Variants in MYLK4 observed in about 807,000 individuals in gnomAD.
MYLK4 encodes the protein myosin light chain kinase family member 4, also known as caMLCK like.
A neutral mutation model predicts 48.1 loss-of-function variants in MYLK4; 46 were observed. That is an observed-to-expected ratio of 0.96 (90% CI 0.75 to 1.22). The LOEUF (loss-of-function observed/expected upper bound fraction) is 1.22, where lower values mean the gene tolerates loss of function less well. Ranked by LOEUF, MYLK4 falls within the 50% of genes most tolerant of loss-of-function variation. MYLK4 has a pLI of 0.00. For synonymous variants in MYLK4, 170 were observed against 180.8 expected, an observed-to-expected ratio of 0.94 and a Z score of 0.48; for missense variants, 451 against 486.1, an observed-to-expected ratio of 0.93 and a Z score of 0.68.
chr6:2,699,085 G>C (rs1405057703), intron 2 of MYLK4, among the ~76,000 whole-genome samples: 1 of 152,100 alleles, frequency 6.6e-6, no homozygotes, highest in Non-Finnish European at 1.5e-5. Flanking sequence ...TATGTGCACA[G>C]TGCTTCACTC....
At chr6:2,684,278 C>T (rs866601480) in intron 6 of MYLK4, among the ~76,000 whole-genome samples, 2 of 152,154 alleles carry the variant, frequency 1.3e-5, no homozygotes, top group South Asian at 2.1e-4. Flanking sequence ...GGATGATTCA[C>T]GTCCTGGGTG....
At chr6:2,695,939 C>A (rs1762045453) in intron 2 of MYLK4, among the ~76,000 whole-genome samples, 1 of 152,240 alleles carries the variant, frequency 6.6e-6, no homozygotes, top group South Asian at 2.1e-4. Context: ...CAATCCTGAC[C>A]ATCCCCAGTT....
At chr6:2,675,212 T>G in intron 10 of MYLK4, 87 bp from the exon 11 acceptor site, 1 of 948,756 alleles carries the variant, frequency 1.1e-6, no homozygotes. Context: ...GCTTCTGCCT[T>G]CGGGAGACCA....
intron 2 of MYLK4, among the ~76,000 whole-genome samples, chr6:2,720,813 A>G (rs190809980): frequency 6.6e-6 from 1 of 152,290 alleles, no homozygotes; most frequent in East Asian, 1.9e-4. Context: ...AACGTAAAGG[A>G]CTAGACTAAG....
At chr6:2,669,952 G>T (rs12200414) in intron 12 of MYLK4, among the ~76,000 whole-genome samples, 1 of 152,254 alleles carries the variant, frequency 6.6e-6, no homozygotes, top group East Asian at 1.9e-4. Flanking sequence ...TTACTATGAG[G>T]TACTGATTCA....
chr6:2,701,175 T>G (rs1202602497), intron 2 of MYLK4, among the ~76,000 whole-genome samples: 1 of 152,166 alleles, frequency 6.6e-6, no homozygotes, highest in African/African-American at 2.4e-5. Flanking sequence ...TGTTTCTTCA[T>G]CACCCAATAA....
chr6:2,669,804 A>G (rs1760814236), intron 12 of MYLK4, among the ~76,000 whole-genome samples: 1 of 152,224 alleles, frequency 6.6e-6, no homozygotes, highest in Non-Finnish European at 1.5e-5. Context: ...TGTTTTTAAC[A>G]AAGAAGAATG....
At chr6:2,770,262 T>G in the MYLK4 span, 2 of 1,614,090 alleles carry the variant, frequency 1.2e-6, no homozygotes, top group Admixed American at 3.3e-5. Context: ...GAGGCAATGG[T>G]GACTATTTTA....
At chr6:2,715,380 C>T (rs1045965837) in intron 2 of MYLK4, among the ~76,000 whole-genome samples, 1 of 152,136 alleles carries the variant, frequency 6.6e-6, no homozygotes, top group African/African-American at 2.4e-5. Context: ...GAATTGGACA[C>T]TTAATGGTTA....
At chr6:2,716,952 C>T (rs1762886046) in intron 2 of MYLK4, among the ~76,000 whole-genome samples, 1 of 152,170 alleles carries the variant, frequency 6.6e-6, no homozygotes, top group Admixed American at 6.5e-5. Flanking sequence ...AGGATTTCTT[C>T]AGTCTGGGCC....
At chr6:2,728,970 T>C (rs1300115574) in intron 2 of MYLK4, among the ~76,000 whole-genome samples, 3 of 152,202 alleles carry the variant, frequency 2.0e-5, no homozygotes, top group East Asian at 1.9e-4. Context: ...TTTGCTATCA[T>C]AGGGCTTGGC....
At chr6:2,721,430 G>C (rs1763063860) in intron 2 of MYLK4, among the ~76,000 whole-genome samples, 1 of 152,226 alleles carries the variant, frequency 6.6e-6, no homozygotes, top group Admixed American at 6.5e-5. Flanking sequence ...TGCTTTAGGA[G>C]TGTTGACCAG....
intron 2 of MYLK4, among the ~76,000 whole-genome samples, chr6:2,718,290 G>C (rs1000720256): frequency 6.6e-6 from 1 of 152,060 alleles, no homozygotes; most frequent in Admixed American, 6.5e-5. Flanking sequence ...CATGATTCCA[G>C]ATGTACTTCC....
Position 2,667,535 on chromosome 6 carries a change from T to C in MYLK4, c.*390A>G, listed in dbSNP as rs974636477. On this transcript the variant is annotated 3_prime_UTR_variant, in exon 13 of 13. Coordinates refer to ENST00000274643, the MANE Select transcript of MYLK4 (RefSeq NM_001012418.5). ...TCCCTCTAAATGCATCCTCCAGTTTTAAAATCTCCAATCAATCTTAAGTGT... is the reference window on the plus strand; with the variant it reads ...TCCCTCTAAATGCATCCTCCAGTTTCAAAATCTCCAATCAATCTTAAGTGT... 6.6e-6 allele frequency: 1 copy of C among 152,474 alleles called. No individual in the cohort carries two copies. The highest frequency in any genetic ancestry group is 2.4e-5 in the African/African-American group (1 of 41,434). 9.4% of individuals were successfully genotyped at this position (152,474 alleles called of 1,614,324 possible). A position where few individuals can be genotyped will look rare whatever the true frequency, so the allele number is the denominator to read the frequency against.
the MYLK4 span, among the ~76,000 whole-genome samples, chr6:2,760,353 C>T: frequency 6.6e-6 from 1 of 152,184 alleles, no homozygotes; most frequent in Admixed American, 6.5e-5. Context: ...TTGTAGAATC[C>T]AGGCACACCA....
chr6:2,711,130 G>T (rs879767874), intron 2 of MYLK4, among the ~76,000 whole-genome samples: 7 of 152,190 alleles, frequency 4.6e-5, no homozygotes, highest in Admixed American at 1.3e-4. Context: ...TGCCACAACA[G>T]AAAATGGCAA....
At chr6:2,764,628 C>A in the MYLK4 span, among the ~76,000 whole-genome samples, 1 of 152,182 alleles carries the variant, frequency 6.6e-6, no homozygotes, top group Non-Finnish European at 1.5e-5. Context: ...ATCTGATATT[C>A]TTTCCATTTC....
the MYLK4 span, chr6:2,765,892 G>C: frequency 3.4e-6 from 5 of 1,453,434 alleles, no homozygotes; most frequent in East Asian, 6.0e-5. Flanking sequence ...CGGCAGCCGA[G>C]AGCAGCGAGG....
chr6:2,692,954 G>A (rs1761870950), intron 2 of MYLK4, 95 bp from the exon 3 acceptor site: 1 of 1,139,842 alleles, frequency 8.8e-7, no homozygotes. Context: ...ATTCCGTGTG[G>A]TGGGGAATGT....
Sources: allele counts gnomAD v4.1 joint callset (sites outside exome capture counted in the v4.1 genomes callset), GRCh38; gene constraint gnomAD v4.1.1; transcripts MANE v1.5; gene names NCBI Gene and HGNC (gene_info 2026-07-23, HGNC 2026-07-21).